The following AFF3 variants were observed in gnomAD, a reference collection of about 807,000 sequenced individuals.
AFF3 encodes the protein ALF transcription elongation factor 3, also known as AF4/FMR2 family member 3.
In AFF3, 32 loss-of-function variants were observed where a neutral mutation model predicts 129.7. The ratio of observed to expected loss-of-function variants is 0.25; its 90% CI spans 0.19 to 0.33. The LOEUF is 0.33. Ranked by LOEUF, AFF3 falls within the 10% of genes least tolerant of loss-of-function variation. AFF3 has a pLI of 1.00. For synonymous variants in AFF3, 644 were observed against 635.4 expected, an observed-to-expected ratio of 1.01 and a Z score of -0.20; for missense variants, 1,373 against 1,592.0, an observed-to-expected ratio of 0.86 and a Z score of 2.34.
intron 16 of AFF3, among the ~76,000 whole-genome samples, chr2:99,586,338 T>C (rs1678114501): frequency 6.6e-6 from 1 of 152,312 alleles, no homozygotes; most frequent in Non-Finnish European, 1.5e-5. Flanking sequence ...GGCGCTGCAG[T>C]GTGCCTGTGT....
At chr2:99,654,786 T>G (rs1240772808) in intron 12 of AFF3, among the ~76,000 whole-genome samples, 1 of 152,210 alleles carries the variant, frequency 6.6e-6, no homozygotes, top group African/African-American at 2.4e-5. Flanking sequence ...ATTGCCATTT[T>G]CAGGTTCTCC....
chr2:99,718,036 C>T (rs1193066183), intron 11 of AFF3, among the ~76,000 whole-genome samples: 3 of 152,142 alleles, frequency 2.0e-5, no homozygotes, highest in Non-Finnish European at 4.4e-5. Context: ...TATTTGTCTG[C>T]CCTTATATCA....
chr2:99,775,998 C>T (rs571959957), intron 8 of AFF3, among the ~76,000 whole-genome samples: 5 of 152,192 alleles, frequency 3.3e-5, no homozygotes, highest in East Asian at 3.9e-4. Flanking sequence ...AAAATAAACC[C>T]GATGCTTTAA....
intron 7 of AFF3, among the ~76,000 whole-genome samples, chr2:99,915,762 C>T (rs193089755): frequency 6.6e-6 from 1 of 152,206 alleles, no homozygotes; most frequent in Non-Finnish European, 1.5e-5. Flanking sequence ...CTGGGTAGTA[C>T]ACACCCAGGT....
At chr2:99,633,733 G>T (rs1490616205) in intron 13 of AFF3, among the ~76,000 whole-genome samples, 1 of 151,918 alleles carries the variant, frequency 6.6e-6, no homozygotes, top group Non-Finnish European at 1.5e-5. Flanking sequence ...TTCTTACAAA[G>T]CGAGTGGTTC....
Position 99,880,967 on chromosome 2 carries a change from A to G in AFF3, c.874-43443T>C, listed in dbSNP as rs150804220. Among the ~76,000 whole-genome samples, 1,075 of 152,294 alleles carry G rather than the reference A, an allele frequency of 7.1e-3. 6 individuals are homozygous for G. Among genetic ancestry groups the G allele is most frequent in the Non-Finnish European group, 9.4e-3 (641 of 68,010 alleles). On this transcript the variant is annotated intron_variant, in intron 7 of 24. Coordinates refer to ENST00000672756, the MANE Select transcript of AFF3 (RefSeq NM_001386135.1). ...CAGATGGGGGCAGACAGCAGAGAGC[A>G]CTTACTTCACGGAGGAAGCAGAGGC...
intron 2 of AFF3, among the ~76,000 whole-genome samples, chr2:100,128,039 A>G (rs772860094): frequency 3.9e-5 from 6 of 152,170 alleles, no homozygotes; most frequent in African/African-American, 7.2e-5. Flanking sequence ...CCTCACTGCT[A>G]CACTCCCACC....
At chr2:99,910,799 A>T (rs1391789945) in intron 7 of AFF3, among the ~76,000 whole-genome samples, 1 of 152,274 alleles carries the variant, frequency 6.6e-6, no homozygotes, top group Non-Finnish European at 1.5e-5. Flanking sequence ...AAAGAAGGAC[A>T]TAAGAATAGC....
chr2:100,107,295 T>C lies in AFF3; in HGVS notation c.-144-1712A>G, dbSNP rs957720452. 4.1e-6 allele frequency: 4 copies of C among 985,256 alleles called. No individual in the cohort carries two copies. In the Admixed American group the frequency reaches 2.5e-4, roughly 61 times the overall value. The allele number at this position is 985,256 out of a possible 1,614,324, so 61.0% of individuals were successfully genotyped here. A position where few individuals can be genotyped will look rare whatever the true frequency, so the allele number is the denominator to read the frequency against. On this transcript the variant is annotated intron_variant, in intron 2 of 24. Coordinates refer to ENST00000672756, the MANE Select transcript of AFF3 (RefSeq NM_001386135.1). ...AGCCTTTATGGGAGATCTTTATTAT[T>C]TATCTGGTTTATGAAGATGTTCCTA...
chr2:100,040,417 T>C (rs1304342620), intron 4 of AFF3, among the ~76,000 whole-genome samples: 4 of 152,180 alleles, frequency 2.6e-5, no homozygotes, highest in East Asian at 3.9e-4. Context: ...ATATACATCA[T>C]TGAGTTTCAA....
At chr2:99,705,602 G>T (rs897993998) in intron 11 of AFF3, among the ~76,000 whole-genome samples, 3 of 152,028 alleles carry the variant, frequency 2.0e-5, no homozygotes, top group Non-Finnish European at 4.4e-5. Flanking sequence ...GGCTGGGCAT[G>T]GTGGCTCACG....
chr2:99,879,472 T>C (rs188544600), intron 7 of AFF3, among the ~76,000 whole-genome samples: 2 of 152,312 alleles, frequency 1.3e-5, no homozygotes, highest in Admixed American at 6.5e-5. Context: ...AGCGTGTGTA[T>C]CAGTATTTCT....
chr2:99,813,682 T>C (rs1008874487), intron 8 of AFF3, among the ~76,000 whole-genome samples: 3 of 152,210 alleles, frequency 2.0e-5, no homozygotes, highest in East Asian at 1.9e-4. Flanking sequence ...CACCTACTTC[T>C]ACCTGGTTAG....
intron 4 of AFF3, among the ~76,000 whole-genome samples, chr2:100,071,356 CA>C (rs1294832506): frequency 1.3e-5 from 2 of 152,230 alleles, no homozygotes; most frequent in Non-Finnish European, 1.5e-5. Context: ...AGGAGGGGTT[CA>C]AGTCTCCGAA....
Position 99,672,175 on chromosome 2 carries a change from T to TACACACACACACAC in AFF3, c.1143+362_1143+363insGTGTGTGTGTGTGT, listed in dbSNP as rs1558728727. Among the ~76,000 whole-genome samples, 4 of 139,512 alleles carry TACACACACACACAC rather than the reference T, an allele frequency of 2.9e-5. No homozygotes were observed. The East Asian group carries it at 6.2e-4, about 22-fold the overall frequency. The allele number at this position is 139,512 out of a possible 152,430, so 91.5% of individuals were successfully genotyped here. ...TTTGATCTCCAGAAGGCCAGTTAGC[T>TACACACACACACAC]TCTCACACACACACACACACACACA... is the stretch of plus-strand genomic sequence containing the variant. On this transcript the variant is annotated intron_variant, in intron 12 of 24. Transcript: ENST00000672756.
chr2:99,771,537 A>C (rs1683490722), intron 8 of AFF3, among the ~76,000 whole-genome samples: 1 of 152,220 alleles, frequency 6.6e-6, no homozygotes, highest in South Asian at 2.1e-4. Context: ...GGATACAGCA[A>C]CACATTCTAG....
chr2:99,559,018 G>T (rs977937408), intron 21 of AFF3, 50 bp from the exon 22 acceptor site: 2 of 1,531,792 alleles, frequency 1.3e-6, no homozygotes, highest in Admixed American at 1.7e-5. Flanking sequence ...TGCGTCGTGC[G>T]CAAACAAGAC....
intron 4 of AFF3, among the ~76,000 whole-genome samples, chr2:100,017,287 C>CCAG (rs1683216613): frequency 1.3e-5 from 2 of 152,170 alleles, no homozygotes; most frequent in African/African-American, 4.8e-5. Context: ...CATTGGCTCA[C>CCAG]CAGCACTCCT....
At chr2:100,106,113 A>G (rs986904997) in intron 2 of AFF3, 6 of 1,264,932 alleles carry the variant, frequency 4.7e-6, no homozygotes, top group Non-Finnish European at 6.2e-6. Context: ...CTTCTTTCCT[A>G]TTTGAGATCG....
Sources: allele counts gnomAD v4.1 joint callset (sites outside exome capture counted in the v4.1 genomes callset), GRCh38; gene constraint gnomAD v4.1.1; transcripts MANE v1.5; gene names NCBI Gene and HGNC (gene_info 2026-07-23, HGNC 2026-07-21).